Variants in RNF150 observed in about 807,000 individuals in gnomAD.
RNF150 encodes ring finger protein 150.
Under a neutral mutation model 39.3 loss-of-function variants are expected in RNF150, and 24 were observed. The observed-to-expected ratio is 0.61, with a 90% confidence interval of 0.44 to 0.86. The LOEUF (loss-of-function observed/expected upper bound fraction) is 0.86, where lower values mean the gene tolerates loss of function less well. Ranked by LOEUF, RNF150 falls within the 40% of genes least tolerant of loss-of-function variation. RNF150 has a pLI of 0.00. For synonymous variants in RNF150, 255 were observed against 227.3 expected (o/e 1.12, Z -1.10); for missense variants, 502 against 587.8 (o/e 0.85, Z 1.51).
intron 1 of RNF150, among the ~76,000 whole-genome samples, chr4:140,987,520 A>G (rs1308319007): frequency 1.3e-5 from 2 of 152,034 alleles, no homozygotes; most frequent in Admixed American, 1.3e-4. Flanking sequence ...TGAGGAAACA[A>G]CTCTTTATCA....
intron 1 of RNF150, among the ~76,000 whole-genome samples, chr4:141,060,556 G>A (rs1296351288): frequency 2.0e-5 from 3 of 152,132 alleles, no homozygotes; most frequent in Non-Finnish European, 4.4e-5. Context: ...AGTCAAATCT[G>A]AAATTAAACA....
chr4:141,192,330 G>T (rs1407373135), intron 1 of RNF150, among the ~76,000 whole-genome samples: 1 of 152,146 alleles, frequency 6.6e-6, no homozygotes, highest in Non-Finnish European at 1.5e-5. Flanking sequence ...ATAGGAAAAT[G>T]TGACTATTTT....
At chr4:140,870,568 G>T (rs1192216206) in intron 6 of RNF150, among the ~76,000 whole-genome samples, 1 of 151,988 alleles carries the variant, frequency 6.6e-6, no homozygotes, top group African/African-American at 2.4e-5. Flanking sequence ...GCAAATTACG[G>T]TGGTTCTCCC....
chr4:140,930,267 G>A (rs1431018514), intron 4 of RNF150, among the ~76,000 whole-genome samples: 1 of 152,192 alleles, frequency 6.6e-6, no homozygotes, highest in Non-Finnish European at 1.5e-5. Flanking sequence ...CCGGCTTATA[G>A]GCCTGTCCTG....
intron 5 of RNF150, among the ~76,000 whole-genome samples, chr4:140,922,417 G>A (rs1416141495): frequency 4.0e-5 from 6 of 149,266 alleles, no homozygotes; most frequent in East Asian, 2.0e-4. Flanking sequence ...TATACGGGAC[G>A]GGAAGGACCT....
chr4:141,133,322 G>A lies in RNF150; in HGVS notation c.-514C>T. 1 of 163,674 alleles carries A rather than the reference G, an allele frequency of 6.1e-6. No homozygotes were observed. Among genetic ancestry groups the A allele is most frequent in the Non-Finnish European group, 1.3e-5 (1 of 76,798 alleles). The allele number at this position is 163,674 out of a possible 1,614,324, so 10.1% of individuals were successfully genotyped here. ...CCAGCTGCAGCCGCTGCTGCCCTGC[G>A]CCGGTTCCCTCAGGCTGCGGGCGCT... is the stretch of plus-strand genomic sequence containing the variant. On this transcript the variant is annotated 5_prime_UTR_variant, in exon 1 of 7. Transcript: ENST00000515673.
upstream of RNF150, among the ~76,000 whole-genome samples, chr4:141,138,049 T>C (rs573858706): frequency 6.6e-6 from 1 of 152,214 alleles, no homozygotes. Flanking sequence ...TTTCTCTGAG[T>C]GTCAGCAAAT....
intron 1 of RNF150, among the ~76,000 whole-genome samples, chr4:141,102,638 A>G (rs1739053168): frequency 6.6e-6 from 1 of 152,206 alleles, no homozygotes; most frequent in Admixed American, 6.5e-5. Context: ...TCAATCAGGC[A>G]TCAGCACCAT....
intron 6 of RNF150, among the ~76,000 whole-genome samples, chr4:140,890,424 G>A (rs994881190): frequency 2.0e-5 from 3 of 152,118 alleles, no homozygotes; most frequent in Non-Finnish European, 4.4e-5. Context: ...TACATGTGTT[G>A]TGTGCTAAAT....
chr4:141,183,728 A>G (rs10014820), intron 1 of RNF150, among the ~76,000 whole-genome samples: 4,509 of 151,694 alleles, frequency 0.03, 210 homozygotes, highest in African/African-American at 0.098. Flanking sequence ...TCACTATTCA[A>G]CTCCCACTTA....
intron 1 of RNF150, among the ~76,000 whole-genome samples, chr4:141,000,085 AGGAGAAGAAGAAGAAGAAGAAGAG>A (rs1734602093): frequency 3.0e-5 from 2 of 66,012 alleles, no homozygotes; most frequent in African/African-American, 5.9e-5. Context: ...AAGAAGAAGA[AGGAGAAGAAGAAGAAGAAGAAGAG>A]GAGGAAGAAG....
intron 1 of RNF150, among the ~76,000 whole-genome samples, chr4:141,019,482 C>T (rs1735403821): frequency 6.6e-6 from 1 of 152,020 alleles, no homozygotes; most frequent in South Asian, 2.1e-4. Context: ...ACTAGAAAAT[C>T]CCAGAACCAG....
chr4:141,210,440 C>T (rs1328066462), intron 1 of RNF150, among the ~76,000 whole-genome samples: 1 of 150,826 alleles, frequency 6.6e-6, no homozygotes, highest in Admixed American at 6.6e-5. Flanking sequence ...AGACAACACA[C>T]TCCTTACATG....
At chr4:141,180,028 G>A (rs564548155) in intron 1 of RNF150, among the ~76,000 whole-genome samples, 2 of 152,214 alleles carry the variant, frequency 1.3e-5, no homozygotes, top group South Asian at 2.1e-4. Flanking sequence ...AGATAATTCG[G>A]TTTCTATTTG....
chr4:141,116,190 T>C (rs1739544055), intron 1 of RNF150, among the ~76,000 whole-genome samples: 1 of 152,152 alleles, frequency 6.6e-6, no homozygotes, highest in Non-Finnish European at 1.5e-5. Context: ...GAAACTATCA[T>C]CAGAGTGAAC....
intron 1 of RNF150, among the ~76,000 whole-genome samples, chr4:141,151,100 T>C (rs908734816): frequency 5.9e-5 from 9 of 151,912 alleles, no homozygotes; most frequent in Non-Finnish European, 8.8e-5. Flanking sequence ...TTACCATACC[T>C]GGCTAAGTTT....
chr4:140,965,194 C>T (rs1343293873), intron 2 of RNF150, among the ~76,000 whole-genome samples: 1 of 152,056 alleles, frequency 6.6e-6, no homozygotes, highest in Non-Finnish European at 1.5e-5. Flanking sequence ...TGAGATCACA[C>T]CTCACACCTG....
chr4:140,870,222 T>C (rs1223144591), intron 6 of RNF150, among the ~76,000 whole-genome samples: 3 of 152,150 alleles, frequency 2.0e-5, no homozygotes, highest in African/African-American at 4.8e-5. Context: ...GTTTCCTAGA[T>C]CCACAATTGC....
chr4:141,084,584 T>C (rs1738281234), intron 1 of RNF150, among the ~76,000 whole-genome samples: 2 of 152,228 alleles, frequency 1.3e-5, no homozygotes, highest in East Asian at 3.8e-4. Flanking sequence ...AGAACTGAAT[T>C]GGTCCTAAAG....
Sources: gnomAD v4.1 joint callset for allele counts (sites outside exome capture counted in the v4.1 genomes callset) on GRCh38, gnomAD v4.1.1 for gene constraint, MANE v1.5 for transcripts, NCBI Gene and HGNC (gene_info 2026-07-23, HGNC 2026-07-21) for gene names.